The following PPP2R3A variants were observed in gnomAD, a reference collection of about 807,000 sequenced individuals.
PPP2R3A encodes serine/threonine-protein phosphatase 2A regulatory subunit B'' subunit alpha.
Under a neutral mutation model 106.9 loss-of-function variants are expected in PPP2R3A, and 80 were observed. That is an observed-to-expected ratio of 0.75 (90% CI 0.62 to 0.90). PPP2R3A has a LOEUF of 0.90. Ranked by LOEUF, PPP2R3A falls within the 40% of genes least tolerant of loss-of-function variation. PPP2R3A has a pLI of 0.00. For synonymous variants in PPP2R3A, 483 were observed against 468.3 expected, an observed-to-expected ratio of 1.03 and a Z score of -0.41; for missense variants, 1,386 against 1,350.4, an observed-to-expected ratio of 1.03 and a Z score of -0.41.
intron 5 of PPP2R3A, among the ~76,000 whole-genome samples, chr3:136,064,184 G>A (rs1227664057): frequency 3.5e-4 from 51 of 147,402 alleles, no homozygotes; most frequent in African/African-American, 9.3e-4. Flanking sequence ...ACCAAACACC[G>A]CATGTTCTCA....
intron 1 of PPP2R3A, among the ~76,000 whole-genome samples, chr3:135,966,982 G>C (rs1937108521): frequency 6.6e-6 from 1 of 151,812 alleles, no homozygotes; most frequent in Admixed American, 6.6e-5. Context: ...GCCGGCTTGT[G>C]TTGTAGTAAA....
Position 135,965,758 on chromosome 3 carries a change from A to G in PPP2R3A, c.-532A>G, listed in dbSNP as rs1189086313. ...CGGGCCTCCGCTCTTCACGCGCCGC[A>G]TTCGTAGCCCGAGAGTCCGCGCCGC... On this transcript the variant is annotated 5_prime_UTR_variant, in exon 1 of 14. Transcript: ENST00000264977. 2.0e-5 allele frequency: 3 copies of G among 152,092 alleles called. No homozygotes were observed. Among genetic ancestry groups the G allele is most frequent in the Non-Finnish European group, 2.9e-5 (2 of 68,046 alleles). The allele number at this position is 152,092 out of a possible 1,614,324, so 9.4% of individuals were successfully genotyped here.
chr3:136,052,966 C>T (rs1354898366), intron 5 of PPP2R3A, among the ~76,000 whole-genome samples: 1 of 152,062 alleles, frequency 6.6e-6, no homozygotes, highest in East Asian at 1.9e-4. Context: ...AGAAAGTGAC[C>T]ACATGTCTTG....
chr3:136,142,916 TGA>T (rs765848641), intron 13 of PPP2R3A, among the ~76,000 whole-genome samples: 39 of 152,342 alleles, frequency 2.6e-4, no homozygotes, highest in Non-Finnish European at 4.1e-4. Context: ...GCATTGGTTT[TGA>T]GAATTTTGTT....
rs899523450 is a variant in PPP2R3A, at chr3:136,087,773, G to T, written c.2789-110G>T. 6.0e-6 allele frequency: 4 copies of T among 665,728 alleles called. No homozygotes were observed. In the East Asian group the frequency reaches 7.9e-5, roughly 13 times the overall value. The allele number at this position is 665,728 out of a possible 1,614,324, so 41.2% of individuals were successfully genotyped here. On this transcript the variant is annotated intron_variant, in intron 8 of 13. Transcript: ENST00000264977. ...ATGTACTCACATTCTCATCATGGACGATGGTTACGGTTTAGCTTGTAGCTA... is the reference window on the plus strand; with the variant it reads ...ATGTACTCACATTCTCATCATGGACTATGGTTACGGTTTAGCTTGTAGCTA...
intron 8 of PPP2R3A, among the ~76,000 whole-genome samples, chr3:136,084,469 A>T (rs2107934232): frequency 6.6e-6 from 1 of 152,370 alleles, no homozygotes; most frequent in South Asian, 2.1e-4. Flanking sequence ...CAGAGCCCTC[A>T]TGGAGAACCT....
intron 13 of PPP2R3A, among the ~76,000 whole-genome samples, chr3:136,138,695 ATTTTTTTTTTTTTT>A (rs747811648): frequency 7.3e-4 from 37 of 50,644 alleles, no homozygotes; most frequent in East Asian, 2.2e-3. Flanking sequence ...GAAATATTGA[ATTTTTTTTTTTTTT>A]TTTTTTTTTT....
chr3:135,980,151 G>A (rs1937520063), intron 1 of PPP2R3A, among the ~76,000 whole-genome samples: 1 of 151,758 alleles, frequency 6.6e-6, no homozygotes, highest in South Asian at 2.1e-4. Context: ...GAGACTCAGA[G>A]CTCTCAGCTA....
At chr3:136,055,238 A>C in intron 5 of PPP2R3A, 2 of 804,332 alleles carry the variant, frequency 2.5e-6, no homozygotes. Flanking sequence ...ACTTTCTATC[A>C]AGCTGCGTAA....
At chr3:136,068,363 A>G (rs1010172613) in intron 5 of PPP2R3A, among the ~76,000 whole-genome samples, 1 of 152,130 alleles carries the variant, frequency 6.6e-6, no homozygotes, top group Non-Finnish European at 1.5e-5. Flanking sequence ...GTTAAAAAAA[A>G]GTAAATAGGC....
At chr3:136,010,541 C>T (rs1263256056) in intron 2 of PPP2R3A, among the ~76,000 whole-genome samples, 3 of 150,720 alleles carry the variant, frequency 2.0e-5, no homozygotes, top group East Asian at 1.9e-4. Context: ...ATACTCCTGC[C>T]TCAGCCTCCC....
intron 5 of PPP2R3A, among the ~76,000 whole-genome samples, chr3:136,050,480 T>TTA (rs1935647247): frequency 6.6e-6 from 1 of 152,082 alleles, no homozygotes; most frequent in African/African-American, 2.4e-5. Flanking sequence ...GGGTTGGGAG[T>TTA]TACTGCTGAG....
Position 136,145,264 on chromosome 3 carries a change from T to C in PPP2R3A, c.*98T>C. On this transcript the variant is annotated 3_prime_UTR_variant, in exon 14 of 14. Coordinates refer to ENST00000264977, the MANE Select transcript of PPP2R3A (RefSeq NM_002718.5). ...GCATACTGCTTTTTAAAGACTTTGA[T>C]TTCTCCAAGTGTGTATCATCTGCAC... 1 of 1,402,766 alleles carries C rather than the reference T, an allele frequency of 7.1e-7. No homozygotes were observed. The highest frequency in any genetic ancestry group is 9.5e-7 in the Non-Finnish European group (1 of 1,052,012). The allele number at this position is 1,402,766 out of a possible 1,614,324, so 86.9% of individuals were successfully genotyped here. A position where few individuals can be genotyped will look rare whatever the true frequency, so the allele number is the denominator to read the frequency against.
chr3:136,037,259 A>G (rs867007832), intron 3 of PPP2R3A, among the ~76,000 whole-genome samples: 57 of 152,338 alleles, frequency 3.7e-4, no homozygotes, highest in African/African-American at 1.3e-3. Context: ...AACAGCCCTG[A>G]AGAACTTAAT....
intron 11 of PPP2R3A, among the ~76,000 whole-genome samples, chr3:136,102,479 T>G (rs1218196849): frequency 6.6e-6 from 1 of 151,750 alleles, no homozygotes; most frequent in African/African-American, 2.4e-5. Flanking sequence ...CCCAAGTAGC[T>G]GGGACTACAG....
At chr3:136,046,808 A>G (rs1935485552) in intron 4 of PPP2R3A, among the ~76,000 whole-genome samples, 1 of 152,252 alleles carries the variant, frequency 6.6e-6, no homozygotes, top group Non-Finnish European at 1.5e-5. Flanking sequence ...AAGAAAGCTC[A>G]ATGAAATACA....
At chr3:136,032,051 G>T (rs147005276) in intron 3 of PPP2R3A, among the ~76,000 whole-genome samples, 1 of 152,190 alleles carries the variant, frequency 6.6e-6, no homozygotes, top group African/African-American at 2.4e-5. Context: ...AATGTTGATG[G>T]TATTTTTATA....
At chr3:136,139,394 T>C (rs765084345) in intron 13 of PPP2R3A, among the ~76,000 whole-genome samples, 16 of 152,032 alleles carry the variant, frequency 1.1e-4, no homozygotes, top group Non-Finnish European at 2.4e-4. Context: ...AACAAAACTA[T>C]GTTAGAGAAT....
At chr3:136,087,034 G>A (rs1405129149) in intron 8 of PPP2R3A, among the ~76,000 whole-genome samples, 2 of 151,942 alleles carry the variant, frequency 1.3e-5, no homozygotes, top group African/African-American at 4.8e-5. Context: ...AAACCCCATC[G>A]CTAATAAAAA....
Sources: gnomAD v4.1 joint callset for allele counts (sites outside exome capture counted in the v4.1 genomes callset) on GRCh38, gnomAD v4.1.1 for gene constraint, MANE v1.5 for transcripts, NCBI Gene and HGNC (gene_info 2026-07-23, HGNC 2026-07-21) for gene names.